Variants in STAU1 observed in about 807,000 individuals in gnomAD.
STAU1 encodes the protein staufen double-stranded RNA binding protein 1, also known as double-stranded RNA-binding protein Staufen homolog 1.
STAU1 carries 13 observed loss-of-function variants against 62.9 expected under a neutral mutation model. The observed-to-expected ratio is 0.21, with a 90% CI of 0.13 to 0.33. STAU1 has a LOEUF of 0.33. STAU1 is among the 10% of genes least tolerant of loss of function. STAU1 has a pLI of 1.00. For synonymous variants in STAU1, 269 were observed against 265.1 expected, an observed-to-expected ratio of 1.01 and a Z score of -0.14; for missense variants, 571 against 712.1, an observed-to-expected ratio of 0.80 and a Z score of 2.25.
intron 2 of STAU1, among the ~76,000 whole-genome samples, chr20:49,167,950 G>C (rs2093548953): frequency 6.6e-6 from 1 of 152,144 alleles, no homozygotes; most frequent in African/African-American, 2.4e-5. Context: ...ACCCAACTGT[G>C]TCCTGAGTGG....
intron 3 of STAU1, chr20:49,158,502 A>C (rs911589469): frequency 7.7e-7 from 1 of 1,304,302 alleles, no homozygotes; most frequent in African/African-American, 1.5e-5. Context: ...CTTCCACTAA[A>C]GGAAAAAAAC....
chr20:49,170,785 GAAAAAAAA>G (rs34699924), intron 2 of STAU1, among the ~76,000 whole-genome samples: 13 of 135,774 alleles, frequency 9.6e-5, no homozygotes, highest in Admixed American at 3.0e-4. Context: ...ATGTGTCTGG[GAAAAAAAA>G]AAAAAAAAAG....
At chr20:49,126,088 T>C (rs925197992) in intron 6 of STAU1, among the ~76,000 whole-genome samples, 1 of 151,890 alleles carries the variant, frequency 6.6e-6, no homozygotes, top group South Asian at 2.1e-4. Context: ...GGCGCTAACA[T>C]GCACAACTCT....
chr20:49,154,378 A>G (rs1321300923), intron 3 of STAU1, among the ~76,000 whole-genome samples: 1 of 152,228 alleles, frequency 6.6e-6, no homozygotes, highest in Non-Finnish European at 1.5e-5. Flanking sequence ...AAAACACATC[A>G]AATTTCACGA....
intron 3 of STAU1, among the ~76,000 whole-genome samples, chr20:49,159,703 G>A (rs1232202552): frequency 6.6e-6 from 1 of 152,104 alleles, no homozygotes; most frequent in African/African-American, 2.4e-5. Context: ...TGGGACTACA[G>A]GTGCGCACCA....
Position 49,117,937 on chromosome 20 carries a change from G to A in STAU1, c.1349C>T (p.Thr450Met), listed in dbSNP as rs898485112. ...CTCTCGGGCTATCATGGCAGTTACC[G>A]TGGCCTTGGCAGGATTCGGAGCTGC... ...TRAAPNPAKA[T>M]VTAMIARELL... The change falls in exon 11 of 14, where the codon ACG (threonine) becomes ATG (methionine). Residue 450 changes from threonine to methionine, a missense_variant. Thr to Met is a moderately conservative substitution (Grantham distance 81). Transcript: ENST00000371856. The surrounding 1 kb of genome is among the most constrained non-coding windows in gnomAD (Gnocchi z 4.6). The A allele has an allele frequency of 5.6e-6, 9 of 1,614,060 alleles. No individual in the cohort carries two copies. The highest frequency in any genetic ancestry group is 3.3e-5 in the South Asian group (3 of 91,080).
At chr20:49,142,754 T>C (rs563358529) in intron 5 of STAU1, among the ~76,000 whole-genome samples, 5 of 152,212 alleles carry the variant, frequency 3.3e-5, no homozygotes, top group African/African-American at 1.2e-4. Flanking sequence ...GCCAGTAAAA[T>C]AAAAATGCAA....
At chr20:49,199,563 T>C in the STAU1 span, among the ~76,000 whole-genome samples, 3 of 151,158 alleles carry the variant, frequency 2.0e-5, no homozygotes, top group African/African-American at 7.3e-5. Context: ...ATTTTTATTT[T>C]ATTTTTCTTT....
At chr20:49,127,137 G>A (rs776280791) in intron 6 of STAU1, among the ~76,000 whole-genome samples, 3 of 151,080 alleles carry the variant, frequency 2.0e-5, no homozygotes, top group Non-Finnish European at 3.0e-5. Flanking sequence ...GGCAGATCAC[G>A]AGGTCAGGAG....
chr20:49,158,962 G>A, intron 3 of STAU1: 3 of 1,301,202 alleles, frequency 2.3e-6, no homozygotes, highest in East Asian at 1.1e-4. Context: ...TCACACATCA[G>A]GACATCAGGG....
chr20:49,135,071 A>G lies in STAU1; in HGVS notation c.609+762T>C, dbSNP rs1336139691. 1.0e-5 allele frequency: 12 copies of G among 1,167,616 alleles called. No homozygotes were observed. The East Asian group carries it at 2.6e-4, about 25-fold the overall frequency. The allele number at this position is 1,167,616 out of a possible 1,614,324, so 72.3% of individuals were successfully genotyped here. A position where few individuals can be genotyped will look rare whatever the true frequency, so the allele number is the denominator to read the frequency against. The stretch of plus-strand genomic sequence containing the variant: ...GCCCTGGGCAGCATTTTCCAGCAAG[A>G]TGTACACAATCTTTTGCCTTTATTC... On this transcript the variant is annotated intron_variant, in intron 6 of 13. Coordinates refer to ENST00000371856, the MANE Select transcript of STAU1 (RefSeq NM_017453.4).
At chr20:49,171,499 C>T (rs1177718000) in intron 2 of STAU1, among the ~76,000 whole-genome samples, 3 of 152,174 alleles carry the variant, frequency 2.0e-5, no homozygotes, top group Non-Finnish European at 2.9e-5. Context: ...CGGGGTTTCA[C>T]CGTGGTCTCT....
At chr20:49,204,646 ATTTTTTTTTTT>A in the STAU1 span, among the ~76,000 whole-genome samples, 10 of 32,168 alleles carry the variant, frequency 3.1e-4, no homozygotes, top group Admixed American at 1.4e-3. Flanking sequence ...ATATATATAT[ATTTTTTTTTTT>A]TTTTTTTTTT....
intron 3 of STAU1, among the ~76,000 whole-genome samples, chr20:49,155,291 CTGTGG>C: frequency 6.6e-6 from 1 of 152,260 alleles, no homozygotes; most frequent in South Asian, 2.1e-4. Flanking sequence ...TGAATTTGAC[CTGTGG>C]TCATACTTGC....
At chr20:49,163,077 A>T (rs1276845159) in intron 3 of STAU1, among the ~76,000 whole-genome samples, 1 of 151,980 alleles carries the variant, frequency 6.6e-6, no homozygotes, top group Non-Finnish European at 1.5e-5. Flanking sequence ...CTATAGTCCC[A>T]GCTACTCAGG....
chr20:49,147,493 T>C (rs1407400599), intron 5 of STAU1, among the ~76,000 whole-genome samples: 3 of 152,228 alleles, frequency 2.0e-5, no homozygotes, highest in African/African-American at 7.2e-5. Flanking sequence ...TTTCCAATGC[T>C]GGCAGGCTGT....
chr20:49,210,511 G>T, the STAU1 span: 1 of 455,776 alleles, frequency 2.2e-6, no homozygotes, highest in South Asian at 1.5e-5. Context: ...TGGTAGTGGT[G>T]GGGGAAAATT....
In STAU1 at chr20:49,128,364, A is replaced by G. The variant is rs116699991; in HGVS notation, c.610-3777T>C. Among the ~76,000 whole-genome samples, 548 of 152,186 alleles carry G rather than the reference A, an allele frequency of 3.6e-3. 3 individuals carry two copies. The highest frequency in any genetic ancestry group is 0.013 in the African/African-American group (530 of 41,520). ...ATAAACTTGTTATTTCAAAATATAC[A>G]TATTTCCTAGCTCTATCTCCTAACC... is the stretch of plus-strand genomic sequence containing the variant. On this transcript the variant is annotated intron_variant, in intron 6 of 13. Transcript: ENST00000371856.
At chr20:49,134,927 G>C (rs143644584) in intron 6 of STAU1, 9 of 1,596,432 alleles carry the variant, frequency 5.6e-6, no homozygotes, top group African/African-American at 1.3e-5. Flanking sequence ...GGAAGTTTTC[G>C]ACCCTAAGAA....
Sources: gnomAD v4.1 joint callset for allele counts (sites outside exome capture counted in the v4.1 genomes callset) on GRCh38, gnomAD v4.1.1 for gene constraint, Gnocchi (gnomAD v3.1) non-coding constraint, MANE v1.5 for transcripts, NCBI Gene and HGNC (gene_info 2026-07-23, HGNC 2026-07-21) for gene names.